The following TASP1 variants were observed in gnomAD, a reference collection of about 807,000 sequenced individuals.
TASP1 encodes threonine aspartase 1.
In TASP1, 16 loss-of-function variants were observed where a neutral mutation model predicts 56.6. The ratio of observed to expected loss-of-function variants is 0.28; its 90% CI spans 0.19 to 0.43. The LOEUF (loss-of-function observed/expected upper bound fraction) is 0.43. Among genes scored for constraint, TASP1 ranks in the 20% least tolerant of loss-of-function variants. TASP1 has a pLI of 1.00. For synonymous variants in TASP1, 179 were observed against 184.2 expected (o/e 0.97, Z 0.23); for missense variants, 393 against 511.6 (o/e 0.77, Z 2.24).
the TASP1 span, among the ~76,000 whole-genome samples, chr20:13,133,747 T>C: frequency 9.3e-4 from 141 of 152,108 alleles, 1 homozygote; most frequent in African/African-American, 3.2e-3. Flanking sequence ...AGACGAGATA[T>C]GGGGTTTATT....
chr20:13,505,538 A>T (rs993633818), intron 10 of TASP1, among the ~76,000 whole-genome samples: 8 of 152,178 alleles, frequency 5.3e-5, no homozygotes, highest in Non-Finnish European at 1.0e-4. Context: ...AAAACTCTTA[A>T]CAAATTTAAG....
At chr20:13,222,390 G>A in the TASP1 span, among the ~76,000 whole-genome samples, 1 of 152,050 alleles carries the variant, frequency 6.6e-6, no homozygotes, top group African/African-American at 2.4e-5. Flanking sequence ...AATGCCAAAG[G>A]TCAGGACATA....
At chr20:13,418,508 G>A (rs556149287) in intron 12 of TASP1, among the ~76,000 whole-genome samples, 257 of 152,144 alleles carry the variant, frequency 1.7e-3, no homozygotes, top group Admixed American at 6.7e-3. Flanking sequence ...AAATAAATGG[G>A]GAAGAAGACA....
chr20:13,198,812 TTCTTTCTTTC>T, the TASP1 span, among the ~76,000 whole-genome samples: 1 of 128,222 alleles, frequency 7.8e-6, no homozygotes, highest in Non-Finnish European at 1.7e-5. Context: ...CTTTCTTTCT[TTCTTTCTTTC>T]TTTCTTTCTT....
chr20:13,438,064 T>A (rs527698418), intron 11 of TASP1, among the ~76,000 whole-genome samples: 6 of 135,684 alleles, frequency 4.4e-5, no homozygotes, highest in Non-Finnish European at 9.4e-5. Context: ...CAATCCTAAT[T>A]TATAGATTCA....
chr20:13,402,684 G>T lies in TASP1; in HGVS notation c.1171-12232C>A, dbSNP rs1265265515. ...CAGTTAAAATTTGGTTAAGACTAAG[G>T]CCAATTTGTATCTAGGTGTTTCCTG... On this transcript the variant is annotated intron_variant, in intron 13 of 13. Coordinates refer to ENST00000337743, the MANE Select transcript of TASP1 (RefSeq NM_017714.3). 2.0e-5 allele frequency among the ~76,000 whole-genome samples: 3 copies of T among 152,296 alleles called. No homozygotes were observed. In the South Asian group the frequency reaches 6.2e-4, roughly 32 times the overall value.
chr20:13,260,091 C>T, the TASP1 span, among the ~76,000 whole-genome samples: 159 of 152,358 alleles, frequency 1.0e-3, no homozygotes, highest in Non-Finnish European at 1.9e-3. Flanking sequence ...GCAGGAATCA[C>T]ACCATTTCCC....
chr20:13,569,737 C>T, intron 6 of TASP1, 151 bp from the exon 7 acceptor site: 1 of 594,180 alleles, frequency 1.7e-6, no homozygotes, highest in Non-Finnish European at 2.7e-6. Flanking sequence ...TGACTGCATG[C>T]TAAAAAATTC....
At chr20:13,421,422 A>G (rs538109257) in intron 12 of TASP1, among the ~76,000 whole-genome samples, 1 of 152,180 alleles carries the variant, frequency 6.6e-6, no homozygotes, top group African/African-American at 2.4e-5. Context: ...GAAAGTCAAG[A>G]GATGAATGAC....
intron 4 of TASP1, among the ~76,000 whole-genome samples, chr20:13,593,219 A>G (rs545762084): frequency 6.6e-6 from 1 of 151,522 alleles, no homozygotes; most frequent in African/African-American, 2.4e-5. Context: ...TTAAACAGTT[A>G]AAAAAAAATC....
At chr20:13,527,697 T>C (rs2045037421) in intron 10 of TASP1, among the ~76,000 whole-genome samples, 1 of 152,128 alleles carries the variant, frequency 6.6e-6, no homozygotes, top group African/African-American at 2.4e-5. Context: ...AGAAGACCTG[T>C]ATTACATTAA....
the TASP1 span, among the ~76,000 whole-genome samples, chr20:13,196,171 G>C: frequency 1.3e-5 from 2 of 152,102 alleles, no homozygotes; most frequent in African/African-American, 4.8e-5. Context: ...CATTTCTATT[G>C]CAACCAAGCT....
At chr20:13,501,971 A>G (rs1237263558) in intron 10 of TASP1, among the ~76,000 whole-genome samples, 1 of 152,054 alleles carries the variant, frequency 6.6e-6, no homozygotes, top group Non-Finnish European at 1.5e-5. Flanking sequence ...GAAAGTGTCA[A>G]TTAATAGAAG....
At chr20:13,185,855 C>T in the TASP1 span, among the ~76,000 whole-genome samples, 16 of 152,292 alleles carry the variant, frequency 1.1e-4, no homozygotes, top group African/African-American at 3.6e-4. Context: ...ATGTAATGAG[C>T]TTGGAAGTCA....
the TASP1 span, among the ~76,000 whole-genome samples, chr20:13,362,808 A>AATATATATATATAT: frequency 0.049 from 5,645 of 114,068 alleles, 275 homozygotes; most frequent in Non-Finnish European, 0.069. Context: ...AATAGCAAGA[A>AATATATATATATAT]ATATATATAT....
intron 10 of TASP1, among the ~76,000 whole-genome samples, chr20:13,527,809 G>T (rs913124714): frequency 7.2e-5 from 11 of 152,082 alleles, no homozygotes; most frequent in Non-Finnish European, 1.6e-4. Context: ...GTTAATTTTT[G>T]AAATTAACTG....
chr20:13,586,668 C>T (rs945947009), intron 5 of TASP1, among the ~76,000 whole-genome samples: 2 of 151,944 alleles, frequency 1.3e-5, no homozygotes, highest in Non-Finnish European at 2.9e-5. Context: ...AAAATACATA[C>T]TTCATGTATA....
chr20:13,148,883 C>G, the TASP1 span, among the ~76,000 whole-genome samples: 1 of 152,332 alleles, frequency 6.6e-6, no homozygotes, highest in East Asian at 1.9e-4. Context: ...GGCAATTCCC[C>G]TTTCAACGAC....
the TASP1 span, among the ~76,000 whole-genome samples, chr20:13,369,210 C>T: frequency 6.6e-6 from 1 of 152,200 alleles, no homozygotes; most frequent in East Asian, 1.9e-4. Context: ...CTTTGGGAGG[C>T]TGAGGCAGGT....
Sources: gnomAD v4.1 joint callset for allele counts (sites outside exome capture counted in the v4.1 genomes callset) on GRCh38, gnomAD v4.1.1 for gene constraint, MANE v1.5 for transcripts, NCBI Gene and HGNC (gene_info 2026-07-23, HGNC 2026-07-21) for gene names.